APBA2: variants seen among roughly 807,000 people sequenced by gnomAD.
APBA2 encodes the protein amyloid beta precursor protein binding family A member 2.
APBA2 carries 30 observed loss-of-function variants against 75.0 expected under a neutral mutation model. That is an observed-to-expected ratio of 0.40 (90% confidence interval 0.30 to 0.54). The LOEUF is 0.54. APBA2 is among the 20% of genes least tolerant of loss of function. The pLI, the probability that APBA2 is intolerant of heterozygous loss-of-function variation, is 0.49. For synonymous variants in APBA2, 444 were observed against 409.6 expected (o/e 1.08, Z -1.01); for missense variants, 801 against 1,016.1 (o/e 0.79, Z 2.88).
rs116521465 is a variant in APBA2 at position 29,038,741 on chromosome 15, T to C, written c.-40-15104T>C. On this transcript the variant is annotated intron_variant, in intron 3 of 14. Transcript: ENST00000683413. ...CAAGCTGGAGTGCAGTGAGGCCATC[T>C]TGGCTCGCTGCAACCTCCACCTCCT... is the stretch of plus-strand genomic sequence containing the variant. Among the ~76,000 whole-genome samples the C allele has an allele frequency of 3.0e-3, 443 of 149,100 alleles. 3 individuals carry two copies. The highest frequency in any genetic ancestry group is 0.01 in the African/African-American group (424 of 40,654).
chr15:28,895,981 C>T (rs977625164), intron 1 of APBA2, among the ~76,000 whole-genome samples: 1 of 152,092 alleles, frequency 6.6e-6, no homozygotes, highest in Non-Finnish European at 1.5e-5. Context: ...GATGTGGTGG[C>T]TCACGTGTGT....
intron 2 of APBA2, among the ~76,000 whole-genome samples, chr15:28,983,622 A>C (rs1217870577): frequency 6.6e-6 from 1 of 152,204 alleles, no homozygotes; most frequent in Admixed American, 6.5e-5. Context: ...CTGTCGGCTC[A>C]TGGGCCCCAC....
intron 2 of APBA2, among the ~76,000 whole-genome samples, chr15:28,957,727 G>C (rs1294834563): frequency 6.6e-6 from 1 of 152,234 alleles, no homozygotes; most frequent in Non-Finnish European, 1.5e-5. Flanking sequence ...CGCGTGCCGA[G>C]GGCTGTAGGA....
At chr15:29,037,415 A>G (rs2040806749) in intron 3 of APBA2, among the ~76,000 whole-genome samples, 1 of 152,162 alleles carries the variant, frequency 6.6e-6, no homozygotes, top group Admixed American at 6.5e-5. Context: ...GAGTTACCAG[A>G]AGGATGATGT....
Position 29,056,625 on chromosome 15 carries a change from C to CTTCT in APBA2, c.951+1790_951+1791insTTCT, listed in dbSNP as rs1566955648. On this transcript the variant is annotated intron_variant, in intron 4 of 14. Transcript: ENST00000683413. ...CCCTCCCTCCCTCCTTCTCTCCCTC[C>CTTCT]CTCCCTCCCTCCTCTCTCTCTCTCT... Among the ~76,000 whole-genome samples the CTTCT allele has an allele frequency of 8.4e-4, 87 of 103,002 alleles. 1 individual carries two copies. Among genetic ancestry groups the CTTCT allele is most frequent in the African/African-American group, 3.8e-3 (81 of 21,286 alleles). The allele number at this position is 103,002 out of a possible 152,430, so 67.6% of individuals were successfully genotyped here. A position where few individuals can be genotyped will look rare whatever the true frequency, so the allele number is the denominator to read the frequency against.
chr15:28,890,005 G>A (rs2032022558), intron 1 of APBA2, among the ~76,000 whole-genome samples: 3 of 152,354 alleles, frequency 2.0e-5, no homozygotes, highest in South Asian at 4.1e-4. Context: ...CTGGCACACA[G>A]CAGAGCCTTA....
intron 4 of APBA2, among the ~76,000 whole-genome samples, chr15:29,063,628 G>T (rs1011562865): frequency 1.3e-5 from 2 of 149,914 alleles, no homozygotes; most frequent in South Asian, 4.3e-4. Context: ...GAGTTGATCT[G>T]GTCAGTGTCT....
chr15:28,998,890 T>C (rs2038690317), intron 3 of APBA2, among the ~76,000 whole-genome samples: 1 of 152,218 alleles, frequency 6.6e-6, no homozygotes, highest in Non-Finnish European at 1.5e-5. Flanking sequence ...TTCACACCTG[T>C]AATCCCAGCA....
chr15:29,041,627 G>A (rs1346365956), intron 3 of APBA2, among the ~76,000 whole-genome samples: 1 of 151,786 alleles, frequency 6.6e-6, no homozygotes, highest in Non-Finnish European at 1.5e-5. Context: ...AGAAATCAAA[G>A]ACCCAACTCA....
intron 3 of APBA2, among the ~76,000 whole-genome samples, chr15:29,029,896 C>G (rs1464963905): frequency 5.3e-5 from 8 of 152,180 alleles, no homozygotes; most frequent in Non-Finnish European, 4.4e-5. Context: ...CCAGCACGTC[C>G]AGAGGTGCCG....
At chr15:28,987,527 A>G (rs894399579) in intron 2 of APBA2, among the ~76,000 whole-genome samples, 1 of 151,850 alleles carries the variant, frequency 6.6e-6, no homozygotes, top group Non-Finnish European at 1.5e-5. Flanking sequence ...GGATTCCCCC[A>G]GCCTCAGTGA....
chr15:29,024,932 A>G (rs961799355), intron 3 of APBA2, among the ~76,000 whole-genome samples: 2 of 152,168 alleles, frequency 1.3e-5, no homozygotes, highest in Non-Finnish European at 2.9e-5. Flanking sequence ...GACGGTTCCC[A>G]TTCCACTGTC....
intron 1 of APBA2, among the ~76,000 whole-genome samples, chr15:28,889,816 C>T (rs2032009772): frequency 6.6e-6 from 1 of 152,248 alleles, no homozygotes; most frequent in Admixed American, 6.5e-5. Context: ...GAAAGCCCTA[C>T]ATAAATTGGC....
At chr15:29,058,351 A>T (rs1222294561) in intron 4 of APBA2, among the ~76,000 whole-genome samples, 1 of 152,100 alleles carries the variant, frequency 6.6e-6, no homozygotes, top group Non-Finnish European at 1.5e-5. Context: ...TCTCTGCTAA[A>T]AATATAAAAA....
chr15:29,073,233 G>A (rs1183034796), intron 4 of APBA2, among the ~76,000 whole-genome samples: 1 of 152,224 alleles, frequency 6.6e-6, no homozygotes, highest in African/African-American at 2.4e-5. Context: ...ACCTGACTCC[G>A]AGAGAAGCCA....
Position 29,101,720 on chromosome 15 carries a change from C to A in APBA2, c.1460C>A (p.Thr487Lys). 6.2e-7 allele frequency: 1 copy of A among 1,613,692 alleles called. No homozygotes were observed. Among genetic ancestry groups the A allele is most frequent in the Non-Finnish European group, 8.5e-7 (1 of 1,180,030 alleles). ...RSASQDCIET[T>K]PGAQEGKKQY... ...GCCTCTCAGGACTGCATCGAGACCA[C>A]GCCCGGGGCCCAGGAAGGCAAGAAG... Residue 487 changes from threonine to lysine, a missense_variant, in exon 10 of 15, where the codon ACG (threonine) becomes AAG (lysine). Around this residue, in one of 2 missense-constraint regions of APBA2, gnomAD observed 367 missense variants for 544.5 expected, o/e 0.67. Coordinates refer to ENST00000683413, the MANE Select transcript of APBA2 (RefSeq NM_001353788.2).
intron 1 of APBA2, among the ~76,000 whole-genome samples, chr15:28,904,774 T>A (rs1465314600): frequency 6.6e-6 from 1 of 152,212 alleles, no homozygotes; most frequent in East Asian, 1.9e-4. Flanking sequence ...CTTCCTAGGC[T>A]GGCTGGTGGT....
At chr15:29,012,803 C>G (rs2039464274) in intron 3 of APBA2, among the ~76,000 whole-genome samples, 2 of 152,164 alleles carry the variant, frequency 1.3e-5, no homozygotes, top group African/African-American at 2.4e-5. Context: ...TCTTATTTCC[C>G]CAGTCCTCTG....
At chr15:29,093,245 G>A (rs758465375) in intron 7 of APBA2, 25 bp downstream of exon 7, 12 of 1,613,214 alleles carry the variant, frequency 7.4e-6, no homozygotes, top group East Asian at 2.2e-5. Context: ...AGGGCCCCTC[G>A]CGGATGCCCG....
Sources: allele counts gnomAD v4.1 joint callset (sites outside exome capture counted in the v4.1 genomes callset), GRCh38; gene constraint gnomAD v4.1.1; regional missense constraint gnomAD v4.1.1; transcripts MANE v1.5; gene names NCBI Gene and HGNC (gene_info 2026-07-23, HGNC 2026-07-21).